The following MLST8 variants were observed in gnomAD, a reference collection of about 807,000 sequenced individuals.
The protein encoded by MLST8 is target of rapamycin complex subunit LST8.
In MLST8, 20 loss-of-function variants were observed where a neutral mutation model predicts 41.3. The observed-to-expected ratio is 0.48, with a 90% CI of 0.34 to 0.70. The LOEUF (loss-of-function observed/expected upper bound fraction) is 0.70. MLST8 is among the 30% of genes least tolerant of loss of function. The pLI, the probability that MLST8 is intolerant of heterozygous loss-of-function variation, is 0.01. For missense variants in MLST8, 422 were observed against 454.3 expected (o/e 0.93, Z 0.65); for synonymous variants, 243 against 183.0 (o/e 1.33, Z -2.65).
Position 2,209,319 on chromosome 16 carries a change from C to T in MLST8, c.*442C>T. On this transcript the variant is annotated 3_prime_UTR_variant, in exon 9 of 9. Coordinates refer to ENST00000569417, the MANE Select transcript of MLST8 (RefSeq NM_022372.6). Reference sequence around the variant, plus strand: ...TCCCTGGTGCAGGTGGCCTGGCCAGCCCACTGGATTGGGGACGGGCCAGGC... The same window carrying T: ...TCCCTGGTGCAGGTGGCCTGGCCAGTCCACTGGATTGGGGACGGGCCAGGC... 1.9e-6 allele frequency: 3 copies of T among 1,560,664 alleles called. No homozygotes were observed. Among genetic ancestry groups the T allele is most frequent in the South Asian group, 1.1e-5 (1 of 87,772 alleles).
intron 6 of MLST8, 74 bp downstream of exon 6, chr16:2,207,419 C>T: frequency 6.5e-7 from 1 of 1,540,866 alleles, no homozygotes; most frequent in Non-Finnish European, 8.8e-7. Flanking sequence ...TGGGCTTATT[C>T]CTGGATGTCC....
rs1429110249 is a variant in MLST8, at chr16:2,206,055, GTT to G, written c.-30_-29del. On this transcript the variant is annotated 5_prime_UTR_variant, in exon 2 of 9. Transcript: ENST00000569417. Reference sequence around the variant, plus strand: ...GATGCTCTGACCTTTGACCCCTGCCGTTCAGCTCTAGGGCCCGTGCAGGCCAC... The same window carrying G: ...GATGCTCTGACCTTTGACCCCTGCCGCAGCTCTAGGGCCCGTGCAGGCCAC... 4 of 1,552,226 alleles carry G rather than the reference GTT, an allele frequency of 2.6e-6. No homozygotes were observed. In the Admixed American group the frequency reaches 7.9e-5, roughly 31 times the overall value.
Position 2,208,104 on chromosome 16 carries a change from G to A in MLST8, c.574-106G>A, listed in dbSNP as rs546059911. 1.2e-3 allele frequency: 1,630 copies of A among 1,380,020 alleles called. 11 individuals are homozygous for A. In the Middle Eastern group the frequency reaches 0.023, roughly 20 times the overall value. 85.5% of individuals were successfully genotyped at this position (1,380,020 alleles called of 1,614,324 possible). On this transcript the variant is annotated intron_variant, in intron 6 of 8. Coordinates refer to ENST00000569417, the MANE Select transcript of MLST8 (RefSeq NM_022372.6). ...GAGGGGCCTGCCTGCCCCTCACCCG[G>A]GGTCCCCATGCACAGTTGGCCCCCA...
chr16:2,208,311 G>C lies in MLST8; in HGVS notation c.675G>C (p.Gln225His). Residue 225 changes from glutamine to histidine, a missense_variant, in exon 7 of 9, where the codon CAG becomes CAC. By Grantham distance (24) the Gln-to-His change is conservative (BLOSUM62 0). Transcript: ENST00000569417. ...CTGCCCACACGCGCTACGCCCTGCA[G>C]TGTCGCTTCAGCCCCGACTCCACGT... ...KIPAHTRYAL[Q>H]CRFSPDSTLL... The C allele has an allele frequency of 6.2e-7, 1 of 1,610,018 alleles. No homozygotes were observed. Among genetic ancestry groups the C allele is most frequent in the South Asian group, 1.1e-5 (1 of 91,018 alleles).
intron 1 of MLST8, 138 bp downstream of exon 1, chr16:2,205,650 G>A (rs2093265884): frequency 1.2e-5 from 12 of 984,616 alleles, no homozygotes; most frequent in African/African-American, 1.7e-5. Context: ...GCCAGACTGC[G>A]CCCTTTCCCA....
At chr16:2,205,930 C>G in intron 1 of MLST8, 101 bp from the exon 2 acceptor site, 2 of 1,446,134 alleles carry the variant, frequency 1.4e-6, no homozygotes, top group Non-Finnish European at 1.8e-6. Flanking sequence ...TGTCCCAACT[C>G]TAAAATGGGA....
At chr16:2,208,181 C>T (rs767780687) in intron 6 of MLST8, 29 bp from the exon 7 acceptor site, 3 of 1,579,170 alleles carry the variant, frequency 1.9e-6, no homozygotes, top group Non-Finnish European at 2.6e-6. Flanking sequence ...AGGCCTTGGG[C>T]CCTCCGTGAC....
chr16:2,208,575 G>A lies in MLST8; in HGVS notation c.824G>A (p.Gly275Asp). 1 of 1,612,762 alleles carries A rather than the reference G, an allele frequency of 6.2e-7. No individual in the cohort carries two copies. The highest frequency in any genetic ancestry group is 8.5e-7 in the Non-Finnish European group (1 of 1,179,764). ...GAGTCCTCCCGCGGCTGGATGTGGG[G>A]CTGCGCCTTCTCGGGGGACTCCCAG... ...PGESSRGWMW[G>D]CAFSGDSQYI... Residue 275 changes from glycine to aspartate, a missense_variant, in exon 8 of 9, where the codon GGC (glycine) becomes GAC (aspartate). Coordinates refer to ENST00000569417, the MANE Select transcript of MLST8 (RefSeq NM_022372.6).
Position 2,209,448 on chromosome 16 carries a change from T to C in MLST8, c.*571T>C. On this transcript the variant is annotated 3_prime_UTR_variant, in exon 9 of 9. Transcript: ENST00000569417. ...ATGCAGAGATAAATCAGCCGCTGTCTCCGGGGCCCTGTGGCGAGGGTGCCG... is the reference window on the plus strand; with the variant it reads ...ATGCAGAGATAAATCAGCCGCTGTCCCCGGGGCCCTGTGGCGAGGGTGCCG... The C allele has an allele frequency of 6.2e-7, 1 of 1,613,634 alleles. No individual in the cohort carries two copies.
intron 8 of MLST8, 44 bp from the exon 9 acceptor site, chr16:2,208,715 G>GGCCTGCACCTGCGCTCTTA: frequency 6.2e-7 from 1 of 1,613,518 alleles, no homozygotes; most frequent in Non-Finnish European, 8.5e-7. Context: ...CCGCCTGCTT[G>GGCCTGCACCTGCGCTCTTA]GCCTGCACCT....
chr16:2,208,173 G>A (rs2093334203), intron 6 of MLST8, 37 bp from the exon 7 acceptor site: 1 of 1,574,566 alleles, frequency 6.4e-7, no homozygotes, highest in Non-Finnish European at 8.7e-7. Flanking sequence ...CAGACCTGAG[G>A]CCTTGGGCCC....
chr16:2,208,234 AC>A lies in MLST8; in HGVS notation c.599del (p.Thr200ArgfsTer8). ...GGGAAACTGCTATGTCTGGAATCTG[AC>A]GGGGGGCATTGGTGACGAGGTGACC... Reference protein sequence around the residue: ...STGNCYVWNLTGGIGDEVTQL... With the variant: ...STGNCYVWNLXGGIGDEVTQL... On this transcript the variant is annotated frameshift_variant, in exon 7 of 9. Transcript: ENST00000569417. LOFTEE classifies it high-confidence loss of function. The A allele has an allele frequency of 6.2e-7, 1 of 1,613,098 alleles. No homozygotes were observed. The highest frequency in any genetic ancestry group is 8.5e-7 in the Non-Finnish European group (1 of 1,179,460).
Position 2,207,228 on chromosome 16 carries a change from C to A in MLST8, c.456C>A (p.Ile152=), listed in dbSNP as rs2093309488. ...ELIVGDQSGA[I]HIWDLKTDHN... ...TCGTGGGTGACCAGAGCGGGGCTAT[C>A]CACATCTGGGACTTGAAAACAGACC... is the stretch of plus-strand genomic sequence containing the variant. Residue 152 remains isoleucine (I), a synonymous_variant, in exon 6 of 9, where the codon ATC becomes ATA. Transcript: ENST00000569417. 4.3e-6 allele frequency: 7 copies of A among 1,614,186 alleles called. No homozygotes were observed. Among genetic ancestry groups the A allele is most frequent in the Non-Finnish European group, 5.1e-6 (6 of 1,180,034 alleles).
intron 1 of MLST8, 118 bp downstream of exon 1, chr16:2,205,630 CGGG>C: frequency 1.0e-6 from 1 of 964,892 alleles, no homozygotes; most frequent in Non-Finnish European, 1.2e-6. Flanking sequence ...AAGGGGAGCT[CGGG>C]GGTCCAGCCA....
At position 2,209,417 on chromosome 16, in the gene MLST8, A is replaced by C. The variant is rs898175158; in HGVS notation, c.*540A>C. 1.7e-5 allele frequency: 28 copies of C among 1,613,684 alleles called. No individual in the cohort carries two copies. Among genetic ancestry groups the C allele is most frequent in the Non-Finnish European group, 2.4e-5 (28 of 1,179,988 alleles). On this transcript the variant is annotated 3_prime_UTR_variant, in exon 9 of 9. Transcript: ENST00000569417. ...CACGCAGATGTTGCTCGGGAAGCAG[A>C]TGTCGATGCAGAGATAAATCAGCCG...
rs377384954 is a variant in MLST8 at position 2,206,839 on chromosome 16, C to T, written c.344+180C>T. ...CAGAGCGCGAGTCCTGCCTTGAGCCCGGAGCCAGCTTGTTATTCCCCTTCC... is the reference window on the plus strand; with the variant it reads ...CAGAGCGCGAGTCCTGCCTTGAGCCTGGAGCCAGCTTGTTATTCCCCTTCC... On this transcript the variant is annotated intron_variant, in intron 4 of 8. Coordinates refer to ENST00000569417, the MANE Select transcript of MLST8 (RefSeq NM_022372.6). 1.0e-4 allele frequency: 106 copies of T among 1,019,396 alleles called. No homozygotes were observed. In the South Asian group the frequency reaches 1.3e-3, roughly 13 times the overall value. 63.1% of individuals were successfully genotyped at this position (1,019,396 alleles called of 1,614,324 possible). A position where few individuals can be genotyped will look rare whatever the true frequency, so the allele number is the denominator to read the frequency against.
chr16:2,208,471 T>C lies in MLST8; in HGVS notation c.720T>C (p.Ala240=). 2.5e-6 allele frequency: 4 copies of C among 1,612,948 alleles called. No homozygotes were observed. The highest frequency in any genetic ancestry group is 3.4e-6 in the Non-Finnish European group (4 of 1,179,772). Residue 240 remains alanine, a synonymous_variant, in exon 8 of 9, where the codon GCT becomes GCC. Coordinates refer to ENST00000569417, the MANE Select transcript of MLST8 (RefSeq NM_022372.6). Reference sequence around the variant, plus strand: ...CTAGGCTCCTCGCCACCTGCTCGGCTGATCAGACGTGCAAGATCTGGAGGA... The same window carrying C: ...CTAGGCTCCTCGCCACCTGCTCGGCCGATCAGACGTGCAAGATCTGGAGGA... ...PDSTLLATCS[A]DQTCKIWRTS...
chr16:2,208,616 G>T lies in MLST8; in HGVS notation c.862+3G>T. 6.2e-7 allele frequency: 1 copy of T among 1,612,142 alleles called. No homozygotes were observed. The highest frequency in any genetic ancestry group is 8.5e-7 in the Non-Finnish European group (1 of 1,179,476). On this transcript the variant is annotated splice_donor_region_variant and intron_variant, in intron 8 of 8. Coordinates refer to ENST00000569417, the MANE Select transcript of MLST8 (RefSeq NM_022372.6). The stretch of plus-strand genomic sequence containing the variant: ...GGACTCCCAGTACATCGTCACTGGT[G>T]AGCCCCGCCCTGGCCTCCCCCATCC...
At chr16:2,207,388 T>C in intron 6 of MLST8, 43 bp downstream of exon 6, 1 of 1,595,698 alleles carries the variant, frequency 6.3e-7, no homozygotes, top group Non-Finnish European at 8.6e-7. Flanking sequence ...AGCTTGGCAC[T>C]CAGCCCTCAG....
Sources: gnomAD v4.1 joint callset for allele counts on GRCh38, gnomAD v4.1.1 for gene constraint, MANE v1.5 for transcripts, NCBI Gene and HGNC (gene_info 2026-07-23, HGNC 2026-07-21) for gene names.